Variants in PLA2G4A observed in about 807,000 individuals in gnomAD.
PLA2G4A encodes the protein cytosolic phospholipase A2.
A neutral mutation model predicts 81.9 loss-of-function variants in PLA2G4A; 40 were observed. The ratio of observed to expected loss-of-function variants is 0.49; its 90% CI spans 0.38 to 0.64. The LOEUF (loss-of-function observed/expected upper bound fraction) is 0.64, where lower values mean the gene tolerates loss of function less well. Ranked by LOEUF, PLA2G4A falls within the 30% of genes least tolerant of loss-of-function variation. The pLI, the probability that PLA2G4A is intolerant of heterozygous loss-of-function variation, is 0.00. For synonymous variants in PLA2G4A, 302 were observed against 296.9 expected (o/e 1.02, Z -0.18); for missense variants, 715 against 905.1 (o/e 0.79, Z 2.69).
chr1:186,948,270 T>G (rs1046748591), intron 12 of PLA2G4A, among the ~76,000 whole-genome samples: 1 of 152,134 alleles, frequency 6.6e-6, no homozygotes, highest in African/African-American at 2.4e-5. Flanking sequence ...CACCTTGTGT[T>G]TGTTTATTTT....
intron 17 of PLA2G4A, among the ~76,000 whole-genome samples, chr1:186,980,774 AATT>A (rs1657695851): frequency 1.7e-5 from 1 of 60,328 alleles, no homozygotes; most frequent in African/African-American, 3.1e-5. Context: ...TAATATCTTT[AATT>A]TTTGTAAATG....
At chr1:186,876,884 A>G (rs1436300426) in intron 3 of PLA2G4A, among the ~76,000 whole-genome samples, 1 of 152,052 alleles carries the variant, frequency 6.6e-6, no homozygotes, top group African/African-American at 2.4e-5. Flanking sequence ...TATCTCTCCA[A>G]TGTTGCAGCC....
At chr1:186,836,384 A>T (rs906166413) in intron 1 of PLA2G4A, among the ~76,000 whole-genome samples, 3 of 151,746 alleles carry the variant, frequency 2.0e-5, no homozygotes, top group African/African-American at 7.3e-5. Context: ...ATGTAATTTA[A>T]ACAGATAACA....
At chr1:186,839,841 A>G (rs1651915198) in intron 1 of PLA2G4A, among the ~76,000 whole-genome samples, 1 of 152,060 alleles carries the variant, frequency 6.6e-6, no homozygotes, top group Non-Finnish European at 1.5e-5. Flanking sequence ...CTTTGGAACT[A>G]TGTTGGAGTA....
chr1:186,985,097 A>G (rs1156284827), intron 17 of PLA2G4A, among the ~76,000 whole-genome samples: 2 of 152,174 alleles, frequency 1.3e-5, no homozygotes, highest in African/African-American at 2.4e-5. Context: ...CATTCTAGCC[A>G]GGCCAGAATG....
intron 3 of PLA2G4A, among the ~76,000 whole-genome samples, chr1:186,888,256 T>C (rs182028865): frequency 1.6e-4 from 24 of 152,320 alleles, no homozygotes; most frequent in African/African-American, 3.1e-4. Context: ...TTTTATGGTA[T>C]TTTCTTTATC....
chr1:186,933,800 A>G (rs1386650614), intron 8 of PLA2G4A, among the ~76,000 whole-genome samples: 1 of 152,190 alleles, frequency 6.6e-6, no homozygotes, highest in Non-Finnish European at 1.5e-5. Context: ...TAGAAGCCAA[A>G]TGATTTGTCC....
chr1:186,832,344 A>C (rs1291287649), intron 1 of PLA2G4A, among the ~76,000 whole-genome samples: 2 of 152,146 alleles, frequency 1.3e-5, no homozygotes, highest in Non-Finnish European at 2.9e-5. Flanking sequence ...ATGATAATCC[A>C]ATTACTTTAT....
chr1:186,932,619 A>T lies in PLA2G4A; in HGVS notation c.559-144A>T, dbSNP rs370598759. The T allele has an allele frequency of 1.4e-5, 4 of 281,554 alleles. 2 individuals are homozygous for T. The highest frequency in any genetic ancestry group is 1.5e-5 in the Non-Finnish European group (2 of 133,986). The allele number at this position is 281,554 out of a possible 1,614,324, so 17.4% of individuals were successfully genotyped here. A position where few individuals can be genotyped will look rare whatever the true frequency, so the allele number is the denominator to read the frequency against. On this transcript the variant is annotated intron_variant, in intron 7 of 17. Transcript: ENST00000367466. ...CCCGGCCTTATTTTCTTCTTTTAAA[A>T]AATTAGGCATTACTAAAGTATGAAG...
intron 2 of PLA2G4A, among the ~76,000 whole-genome samples, chr1:186,863,465 C>A (rs1355258117): frequency 6.6e-6 from 1 of 152,140 alleles, no homozygotes; most frequent in Non-Finnish European, 1.5e-5. Flanking sequence ...TATTCATCAT[C>A]TCATACATTT....
chr1:186,924,603 C>T (rs572022165), intron 7 of PLA2G4A, among the ~76,000 whole-genome samples: 7 of 152,042 alleles, frequency 4.6e-5, no homozygotes, highest in South Asian at 4.2e-4. Context: ...GACAGGGTTT[C>T]ACTTTGTCAT....
intron 2 of PLA2G4A, among the ~76,000 whole-genome samples, chr1:186,869,169 A>G (rs1241571295): frequency 1.3e-5 from 2 of 152,234 alleles, no homozygotes; most frequent in African/African-American, 4.8e-5. Context: ...ATTCAGTGCT[A>G]TAAATTTCCC....
intron 4 of PLA2G4A, among the ~76,000 whole-genome samples, chr1:186,893,782 G>T (rs1402278483): frequency 6.6e-6 from 1 of 151,842 alleles, no homozygotes; most frequent in Non-Finnish European, 1.5e-5. Context: ...AAATTTGCTG[G>T]ATGTGGTGGC....
intron 14 of PLA2G4A, among the ~76,000 whole-genome samples, chr1:186,957,548 C>G (rs879931144): frequency 5.3e-5 from 8 of 152,338 alleles, no homozygotes; most frequent in African/African-American, 1.9e-4. Context: ...AGAACTCGAG[C>G]TGCAAGGGAA....
intron 15 of PLA2G4A, among the ~76,000 whole-genome samples, chr1:186,971,958 T>C (rs1045726715): frequency 5.9e-5 from 9 of 152,080 alleles, no homozygotes; most frequent in Non-Finnish European, 5.9e-5. Flanking sequence ...TATTAGAGCA[T>C]AAATGCTGGG....
chr1:186,942,890 CT>C (rs1656204221), intron 10 of PLA2G4A, among the ~76,000 whole-genome samples: 1 of 152,006 alleles, frequency 6.6e-6, no homozygotes, highest in African/African-American at 2.4e-5. Flanking sequence ...GCGGGTTGAG[CT>C]GTGTCTTCCA....
In PLA2G4A at chr1:186,873,478, T is replaced by G. The variant is rs1328913517; in HGVS notation, c.115+2962T>G. Among the ~76,000 whole-genome samples the G allele has an allele frequency of 2.0e-5, 3 of 152,134 alleles. No homozygotes were observed. In the East Asian group the frequency reaches 5.8e-4, roughly 29 times the overall value. On this transcript the variant is annotated intron_variant, in intron 3 of 17. Transcript: ENST00000367466. ...ATAAAGGTAGAGTTCCATAAAATTC[T>G]ACATCTTGGTAAAGAAGAATGATAG...
At chr1:186,927,468 A>G (rs1267381535) in intron 7 of PLA2G4A, among the ~76,000 whole-genome samples, 1 of 152,210 alleles carries the variant, frequency 6.6e-6, no homozygotes, top group African/African-American at 2.4e-5. Flanking sequence ...ATGAAATGTT[A>G]CTATCCAGTC....
intron 1 of PLA2G4A, among the ~76,000 whole-genome samples, chr1:186,838,028 A>AT (rs1296613097): frequency 9.9e-5 from 15 of 152,054 alleles, no homozygotes; most frequent in African/African-American, 3.6e-4. Context: ...AAGGAAGATG[A>AT]GGTCGCCTGC....
Sources: gnomAD v4.1 joint callset for allele counts (sites outside exome capture counted in the v4.1 genomes callset) on GRCh38, gnomAD v4.1.1 for gene constraint, MANE v1.5 for transcripts, NCBI Gene and HGNC (gene_info 2026-07-23, HGNC 2026-07-21) for gene names.